SPPL2B: variants seen among roughly 807,000 people sequenced by gnomAD.
The protein encoded by SPPL2B is signal peptide peptidase like 2B, also known as signal peptide peptidase-like 2B.
Under a neutral mutation model 59.7 loss-of-function variants are expected in SPPL2B, and 39 were observed. The ratio of observed to expected loss-of-function variants is 0.65; its 90% CI spans 0.51 to 0.85. The LOEUF is 0.85. Ranked by LOEUF, SPPL2B falls within the 40% of genes least tolerant of loss-of-function variation. The pLI, the probability that SPPL2B is intolerant of heterozygous loss-of-function variation, is 0.00. For synonymous variants in SPPL2B, 419 were observed against 370.8 expected (o/e 1.13, Z -1.49); for missense variants, 865 against 849.0 (o/e 1.02, Z -0.23).
intron 10 of SPPL2B, 59 bp downstream of exon 10, chr19:2,344,098 C>A: frequency 1.7e-6 from 2 of 1,163,242 alleles, no homozygotes; most frequent in South Asian, 1.4e-5. Context: ...CCCCTCGCAA[C>A]CCCCGCCCCA....
intron 13 of SPPL2B, among the ~76,000 whole-genome samples, chr19:2,347,059 C>T (rs551862505): frequency 2.0e-4 from 31 of 152,348 alleles, no homozygotes; most frequent in African/African-American, 6.5e-4. Context: ...AGAGAACTCC[C>T]GTGTGCCCCG....
At chr19:2,340,769 G>A (rs1968981565) in intron 7 of SPPL2B, 129 bp from the exon 8 acceptor site, 2 of 614,376 alleles carry the variant, frequency 3.3e-6, no homozygotes, top group Non-Finnish European at 2.9e-6. Context: ...GGGATGTGGA[G>A]TTTAATGAGG....
In SPPL2B at chr19:2,353,293, C is replaced by T. The variant is rs1221343709; in HGVS notation, c.*84C>T. On this transcript the variant is annotated 3_prime_UTR_variant, in exon 15 of 15. Coordinates refer to ENST00000613503, the MANE Select transcript of SPPL2B (RefSeq NM_152988.3). ...CGCCCACTGGAGACAGACAGACAGA[C>T]GCCTGTCCCCCGGGACCGAGGCCTG... 4.0e-5 allele frequency: 58 copies of T among 1,444,344 alleles called. 1 individual carries two copies. The highest frequency in any genetic ancestry group is 6.9e-5 in the South Asian group (5 of 72,770). The allele number at this position is 1,444,344 out of a possible 1,614,324, so 89.5% of individuals were successfully genotyped here. A position where few individuals can be genotyped will look rare whatever the true frequency, so the allele number is the denominator to read the frequency against.
chr19:2,351,705 C>A (rs1969934720), intron 14 of SPPL2B, 111 bp downstream of exon 14: 3 of 1,426,162 alleles, frequency 2.1e-6, no homozygotes, highest in East Asian at 2.3e-5. Context: ...CGCGACGGGG[C>A]TCAGGGTCCT....
intron 5 of SPPL2B, 58 bp from the exon 6 acceptor site, chr19:2,339,766 C>A: frequency 6.4e-7 from 1 of 1,566,256 alleles, no homozygotes; most frequent in East Asian, 2.4e-5. Context: ...TGTGGGCTCC[C>A]GAGCCCCGTG....
Position 2,340,950 on chromosome 19 carries a change from C to T in SPPL2B, c.892C>T (p.Leu298=), listed in dbSNP as rs903329879. The T allele has an allele frequency of 6.2e-7, 1 of 1,603,948 alleles. No individual in the cohort carries two copies. Among genetic ancestry groups the T allele is most frequent in the Non-Finnish European group, 8.5e-7 (1 of 1,179,514 alleles). ...CCACAAGCGCCCGCAGGCCCGTATGCTGCTCCTGGCGCTCTTCTGCGTGGC... is the reference window on the plus strand; with the variant it reads ...CCACAAGCGCCCGCAGGCCCGTATGTTGCTCCTGGCGCTCTTCTGCGTGGC... ...YFHKRPQARM[L]LLALFCVAVS... Residue 298 remains leucine (L), a synonymous_variant, in exon 8 of 15, where the codon CTG becomes TTG. Coordinates refer to ENST00000613503, the MANE Select transcript of SPPL2B (RefSeq NM_152988.3).
chr19:2,348,491 A>G (rs1969629073), intron 13 of SPPL2B, among the ~76,000 whole-genome samples: 1 of 132,758 alleles, frequency 7.5e-6, no homozygotes, highest in African/African-American at 3.0e-5. Context: ...CTCCACACAC[A>G]CTCACGCTCT....
chr19:2,349,149 T>G (rs4807238), intron 13 of SPPL2B, among the ~76,000 whole-genome samples: 3 of 76,248 alleles, frequency 3.9e-5, no homozygotes, highest in African/African-American at 1.1e-4. Context: ...TCTCATTCGC[T>G]TGATTCCATT....
In SPPL2B at chr19:2,353,431, G is replaced by A. The variant is rs1055799781; in HGVS notation, c.*222G>A. On this transcript the variant is annotated 3_prime_UTR_variant, in exon 15 of 15. Transcript: ENST00000613503. Reference sequence around the variant, plus strand: ...CACGCCTGCTGCTCCCAGCTCGCCCGGCTGCCACAAGCTCTCTGCGGGTCC... The same window carrying A: ...CACGCCTGCTGCTCCCAGCTCGCCCAGCTGCCACAAGCTCTCTGCGGGTCC... 5.6e-5 allele frequency: 33 copies of A among 585,728 alleles called. No homozygotes were observed. Among genetic ancestry groups the A allele is most frequent in the African/African-American group, 2.9e-4 (15 of 51,046 alleles). 36.3% of individuals were successfully genotyped at this position (585,728 alleles called of 1,614,324 possible). A position where few individuals can be genotyped will look rare whatever the true frequency, so the allele number is the denominator to read the frequency against.
At chr19:2,343,902 T>C in intron 9 of SPPL2B, 63 bp from the exon 10 acceptor site, 1 of 1,253,912 alleles carries the variant, frequency 8.0e-7, no homozygotes, top group East Asian at 2.5e-5. Flanking sequence ...CTGGGCCTCA[T>C]GAGATGGGAG....
rs1599259155 is a variant in SPPL2B at position 2,351,603 on chromosome 19, C to T, written c.1515+9C>T. 1.2e-6 allele frequency: 2 copies of T among 1,601,428 alleles called. No individual in the cohort carries two copies. Among genetic ancestry groups the T allele is most frequent in the Non-Finnish European group, 1.7e-6 (2 of 1,172,138 alleles). On this transcript the variant is annotated intron_variant, in intron 14 of 14. Coordinates refer to ENST00000613503, the MANE Select transcript of SPPL2B (RefSeq NM_152988.3). The stretch of plus-strand genomic sequence containing the variant: ...CGGGCAGCGGCTTTGCGGTGAATAC[C>T]AGTTTGCTCTGACTGTGAGAAATAC...
intron 3 of SPPL2B, chr19:2,338,000 T>G: frequency 3.3e-5 from 6 of 182,342 alleles, no homozygotes; most frequent in Non-Finnish European, 4.5e-5. Flanking sequence ...GGTACCCTGG[T>G]GCCCTTGCCC....
Position 2,345,748 on chromosome 19 carries a change from T to C in SPPL2B, c.1354+418T>C, listed in dbSNP as rs112349025. ...CCGTCTTTCTCATTCTCCCTGGGCC[T>C]GTGCCTCCGTCCCCCTCTTTCTCAT... is the stretch of plus-strand genomic sequence containing the variant. On this transcript the variant is annotated intron_variant, in intron 13 of 14. Coordinates refer to ENST00000613503, the MANE Select transcript of SPPL2B (RefSeq NM_152988.3). 4.1e-4 allele frequency among the ~76,000 whole-genome samples: 58 copies of C among 140,420 alleles called. 1 individual carries two copies. Among genetic ancestry groups the C allele is most frequent in the Middle Eastern group, 3.7e-3 (1 of 268 alleles). The allele number at this position is 140,420 out of a possible 152,430, so 92.1% of individuals were successfully genotyped here.
chr19:2,335,323 A>T (rs1599202282), intron 2 of SPPL2B, among the ~76,000 whole-genome samples: 1 of 92,756 alleles, frequency 1.1e-5, no homozygotes, highest in Non-Finnish European at 2.1e-5. Flanking sequence ...TGCATCCTTC[A>T]GGCCCCGCCT....
At chr19:2,336,904 T>TGC (rs1341243962) in intron 2 of SPPL2B, among the ~76,000 whole-genome samples, 1 of 148,028 alleles carries the variant, frequency 6.8e-6, no homozygotes, top group African/African-American at 2.5e-5. Context: ...TGTGGGTGTG[T>TGC]GTGTGTGTGT....
intron 8 of SPPL2B, chr19:2,341,255 C>T (rs779824503): frequency 1.5e-6 from 1 of 669,192 alleles, no homozygotes; most frequent in Non-Finnish European, 2.8e-6. Flanking sequence ...GCCGGAGCCC[C>T]TGTGGCCAGG....
At chr19:2,344,339 T>A in intron 10 of SPPL2B, 23 bp from the exon 11 acceptor site, 2 of 459,266 alleles carry the variant, frequency 4.4e-6, no homozygotes, top group Non-Finnish European at 6.0e-6. Flanking sequence ...CCACGCTCCC[T>A]CACTCAACCC....
chr19:2,350,116 C>T (rs57678395), intron 13 of SPPL2B, among the ~76,000 whole-genome samples: 59,113 of 133,528 alleles, frequency 0.44, 14,111 homozygotes, highest in Non-Finnish European at 0.57. Flanking sequence ...CACACACTCG[C>T]GCTCTCATTT....
Position 2,337,550 on chromosome 19 carries a change from C to T in SPPL2B, c.294C>T (p.Cys98=), listed in dbSNP as rs756605366. 33 of 1,612,350 alleles carry T rather than the reference C, an allele frequency of 2.0e-5. 1 individual carries two copies. In the African/African-American group the frequency reaches 2.4e-4, roughly 12 times the overall value. ...TCCCGCTGGTGGCGCGGGGGAACTG[C>T]ACCTTCTATGAGAAAGTGAGGCTGG... ...NQIPLVARGN[C]TFYEKVRLAQ... is the part of the protein sequence containing the mutation. Residue 98 remains cysteine, a synonymous_variant, in exon 3 of 15, where the codon TGC becomes TGT. Coordinates refer to ENST00000613503, the MANE Select transcript of SPPL2B (RefSeq NM_152988.3).
Sources: allele counts gnomAD v4.1 joint callset (sites outside exome capture counted in the v4.1 genomes callset), GRCh38; gene constraint gnomAD v4.1.1; transcripts MANE v1.5; gene names NCBI Gene and HGNC (gene_info 2026-07-23, HGNC 2026-07-21).